The following NR2F2 variants were observed in gnomAD, a reference collection of about 807,000 sequenced individuals.
NR2F2 encodes nuclear receptor subfamily 2 group F member 2, also known as COUP transcription factor 2.
Under a neutral mutation model 34.8 loss-of-function variants are expected in NR2F2, and 2 were observed. That is an observed-to-expected ratio of 0.06 (90% CI 0.02 to 0.18). The LOEUF (loss-of-function observed/expected upper bound fraction) is 0.18. NR2F2 is among the 10% of genes least tolerant of loss of function. The probability of loss-of-function intolerance (pLI) is 1.00; values close to 1 mark genes in which losing one functional copy is unlikely to be tolerated. For missense variants in NR2F2, 300 were observed against 580.1 expected, an observed-to-expected ratio of 0.52 and a Z score of 4.96; for synonymous variants, 274 against 251.8, an observed-to-expected ratio of 1.09 and a Z score of -0.84.
Position 96,331,389 on chromosome 15 carries a change from G to GGGCCGCC in NR2F2, c.-712_-706dup. 1 of 1,226,284 alleles carries GGGCCGCC rather than the reference G, an allele frequency of 8.2e-7. No individual in the cohort carries two copies. Among genetic ancestry groups the GGGCCGCC allele is most frequent in the Non-Finnish European group, 1.0e-6 (1 of 984,632 alleles). The allele number at this position is 1,226,284 out of a possible 1,614,324, so 76.0% of individuals were successfully genotyped here. A position where few individuals can be genotyped will look rare whatever the true frequency, so the allele number is the denominator to read the frequency against. On this transcript the variant is annotated 5_prime_UTR_variant, in exon 1 of 3. An upstream open reading frame in the 5' UTR loses its in-frame stop. Transcript: ENST00000394166. ...CCGGGCAGCGCTCCGGCCACTCCGC[G>GGGCCGCC]GGCCGCCGGCCTCCGCCCCGGCCTG...
Position 96,331,034 on chromosome 15 carries a change from T to C in NR2F2, c.-1072T>C. On this transcript the variant is annotated 5_prime_UTR_variant, in exon 1 of 3. The change abolishes an upstream ATG in the 5' untranslated region. Transcript: ENST00000394166. ...CGCCGGCGAGTTGACTCTTTCCCTA[T>C]GTGTGTGAGGCGGCGGCGGCAGCAG... 2 of 1,232,586 alleles carry C rather than the reference T, an allele frequency of 1.6e-6. No homozygotes were observed. Among genetic ancestry groups the C allele is most frequent in the Non-Finnish European group, 2.0e-6 (2 of 990,542 alleles). 76.4% of individuals were successfully genotyped at this position (1,232,586 alleles called of 1,614,324 possible).
At position 96,331,558 on chromosome 15, in the gene NR2F2, T is replaced by A; in HGVS notation, c.-548T>A. 2 of 1,221,296 alleles carry A rather than the reference T, an allele frequency of 1.6e-6. No homozygotes were observed. The highest frequency in any genetic ancestry group is 1.0e-6 in the Non-Finnish European group (1 of 982,412). 75.7% of individuals were successfully genotyped at this position (1,221,296 alleles called of 1,614,324 possible). A position where few individuals can be genotyped will look rare whatever the true frequency, so the allele number is the denominator to read the frequency against. The stretch of plus-strand genomic sequence containing the variant: ...CTCTCCTCCTCCTCTACCTCCTCCT[T>A]CACCACCACCTCCTCTTCCTCCTCC... On this transcript the variant is annotated 5_prime_UTR_variant, in exon 1 of 3. Coordinates refer to ENST00000394166, the MANE Select transcript of NR2F2 (RefSeq NM_021005.4).
At chr15:96,333,639 T>G in intron 1 of NR2F2, 1 of 1,058,524 alleles carries the variant, frequency 9.4e-7, no homozygotes, top group Non-Finnish European at 1.1e-6. Context: ...ACAGGCCGTC[T>G]GGGGTGGACC....
rs1237693101 is a variant in NR2F2, at chr15:96,332,212, C to A, written c.107C>A (p.Ala36Asp). The A allele has an allele frequency of 1.0e-5, 14 of 1,406,988 alleles. No homozygotes were observed. The highest frequency in any genetic ancestry group is 1.0e-5 in the Non-Finnish European group (11 of 1,080,106). 87.2% of individuals were successfully genotyped at this position (1,406,988 alleles called of 1,614,324 possible). Residue 36 changes from alanine to aspartate, a missense_variant, in exon 1 of 3, where the codon GCC (alanine) becomes GAC (aspartate). By Grantham distance (126) the Ala-to-Asp change is moderately radical. Coordinates refer to ENST00000394166, the MANE Select transcript of NR2F2 (RefSeq NM_021005.4). ...CCCGTGCCCGGCCCGCCGCCCGGCG[C>A]CCCGCACACGCCACAGACGCCCGGC... ...APPVPGPPPG[A>D]PHTPQTPGQG...
upstream of NR2F2, among the ~76,000 whole-genome samples, chr15:96,328,606 C>T (rs1899050325): frequency 6.6e-6 from 1 of 152,182 alleles, no homozygotes; most frequent in Non-Finnish European, 1.5e-5. Flanking sequence ...AAACCTTCTC[C>T]TGTGTAATGA....
Position 96,334,085 on chromosome 15 carries a change from G to C in NR2F2, c.452G>C (p.Arg151Thr), listed in dbSNP as rs1465180594. 1 of 1,612,828 alleles carries C rather than the reference G, an allele frequency of 6.2e-7. No homozygotes were observed. Among genetic ancestry groups the C allele is most frequent in the African/African-American group, 1.3e-5 (1 of 75,072 alleles). ...CCTTTCCTCCCCGCAGCGGTGCAGA[G>C]GGGCAGGATGCCGCCGACCCAGCCG... is the stretch of plus-strand genomic sequence containing the variant. ...KVGMRREAVQ[R>T]GRMPPTQPTH... is the part of the protein sequence containing the mutation. The change falls in exon 2 of 3, where the codon AGG (arginine) becomes ACG (threonine). Residue 151 changes from arginine (R) to threonine (T), a missense_variant. Physicochemically the swap from Arg to Thr is moderately conservative, Grantham distance 71. Around this residue, in one of 6 missense-constraint regions of NR2F2, gnomAD observed 164 missense variants for 365.3 expected, o/e 0.45. Coordinates refer to ENST00000394166, the MANE Select transcript of NR2F2 (RefSeq NM_021005.4).
upstream of NR2F2, among the ~76,000 whole-genome samples, chr15:96,330,294 T>G (rs1287513824): frequency 6.6e-6 from 1 of 152,056 alleles, no homozygotes; most frequent in Non-Finnish European, 1.5e-5. Flanking sequence ...AGAGACGTTG[T>G]GTGTGCGCGC....
chr15:96,334,634 C>T, intron 2 of NR2F2, 31 bp downstream of exon 2: 1 of 1,558,750 alleles, frequency 6.4e-7, no homozygotes, highest in Admixed American at 1.9e-5. Flanking sequence ...CTCGTGCCCA[C>T]GGGCTCCTAG....
chr15:96,332,028 G>A lies in NR2F2; in HGVS notation c.-78G>A. ...CACAAAAGGCGGCGCGCCGGAGCCC[G>A]AGACCCGGGGAGCCGCCGCCGCCCC... On this transcript the variant is annotated 5_prime_UTR_variant, in exon 1 of 3. Coordinates refer to ENST00000394166, the MANE Select transcript of NR2F2 (RefSeq NM_021005.4). 2.4e-6 allele frequency: 3 copies of A among 1,234,200 alleles called. No homozygotes were observed. Among genetic ancestry groups the A allele is most frequent in the South Asian group, 6.6e-5 (2 of 30,518 alleles). The allele number at this position is 1,234,200 out of a possible 1,614,324, so 76.5% of individuals were successfully genotyped here. A position where few individuals can be genotyped will look rare whatever the true frequency, so the allele number is the denominator to read the frequency against.
chr15:96,337,067 G>C (rs889837652), intron 2 of NR2F2, among the ~76,000 whole-genome samples: 3 of 152,112 alleles, frequency 2.0e-5, no homozygotes, highest in African/African-American at 7.2e-5. Flanking sequence ...CTAAGGACTC[G>C]GGCAGTGAAA....
chr15:96,332,523 C>T lies in NR2F2; in HGVS notation c.418C>T (p.Leu140Phe). The change falls in exon 1 of 3, where the codon CTC becomes TTC. Residue 140 changes from leucine (L) to phenylalanine (F), a missense_variant. By Grantham distance (22) the Leu-to-Phe change is conservative. Coordinates refer to ENST00000394166, the MANE Select transcript of NR2F2 (RefSeq NM_021005.4). ...CCAGTACTGCCGCCTCAAAAAGTGC[C>T]TCAAAGTGGGCATGAGACGGGAAGG... Reference protein sequence around the residue: ...QCQYCRLKKCLKVGMRREAVQ... With the variant: ...QCQYCRLKKCFKVGMRREAVQ... 4 of 1,612,716 alleles carry T rather than the reference C, an allele frequency of 2.5e-6. No individual in the cohort carries two copies. Among genetic ancestry groups the T allele is most frequent in the Non-Finnish European group, 3.4e-6 (4 of 1,178,792 alleles).
intron 1 of NR2F2, chr15:96,333,588 T>C (rs1596426919): frequency 9.9e-7 from 1 of 1,007,102 alleles, no homozygotes; most frequent in East Asian, 9.8e-5. Context: ...GGGCTGGGGC[T>C]GGGGCTTCGG....
rs1290427596 is a variant in NR2F2, at chr15:96,331,061, AGCAGCAGCGGCTCCGGCGGCG to A, written c.-1033_-1013del. ...TGTGTGAGGCGGCGGCGGCAGCAGCAGCAGCAGCGGCTCCGGCGGCGGCAGCAGCGGCAGCAGCGACTTCAG... is the reference window on the plus strand; with the variant it reads ...TGTGTGAGGCGGCGGCGGCAGCAGCAGCAGCAGCGGCAGCAGCGACTTCAG... On this transcript the variant is annotated 5_prime_UTR_variant, in exon 1 of 3. Coordinates refer to ENST00000394166, the MANE Select transcript of NR2F2 (RefSeq NM_021005.4). 2.2e-5 allele frequency: 27 copies of A among 1,238,972 alleles called. No homozygotes were observed. Among genetic ancestry groups the A allele is most frequent in the Admixed American group, 4.2e-5 (1 of 23,566 alleles). The allele number at this position is 1,238,972 out of a possible 1,614,324, so 76.7% of individuals were successfully genotyped here.
upstream of NR2F2, among the ~76,000 whole-genome samples, chr15:96,330,184 AG>A (rs1899089334): frequency 6.6e-6 from 1 of 152,190 alleles, no homozygotes; most frequent in Non-Finnish European, 1.5e-5. Context: ...AAGATGCGCC[AG>A]GAGTCCCGGG....
chr15:96,332,915 A>C (rs1243013141), intron 1 of NR2F2, among the ~76,000 whole-genome samples: 1,654 of 48,410 alleles, frequency 0.034, no homozygotes, highest in Admixed American at 0.058. Context: ...CCTCCCCCTC[A>C]CCCCTTTCCC....
chr15:96,331,159 G>C lies in NR2F2; in HGVS notation c.-947G>C. The C allele has an allele frequency of 5.0e-6, 5 of 1,006,682 alleles. No individual in the cohort carries two copies. Among genetic ancestry groups the C allele is most frequent in the Non-Finnish European group, 6.0e-6 (5 of 839,848 alleles). 62.4% of individuals were successfully genotyped at this position (1,006,682 alleles called of 1,614,324 possible). A position where few individuals can be genotyped will look rare whatever the true frequency, so the allele number is the denominator to read the frequency against. On this transcript the variant is annotated 5_prime_UTR_variant, in exon 1 of 3. Coordinates refer to ENST00000394166, the MANE Select transcript of NR2F2 (RefSeq NM_021005.4). ...GCTCCGGGCCCGACCCGGCGGCTTCGGCGGCGGCTCCGGCGGCAGCGGCGG... is the reference window on the plus strand; with the variant it reads ...GCTCCGGGCCCGACCCGGCGGCTTCCGCGGCGGCTCCGGCGGCAGCGGCGG...
At position 96,337,671 on chromosome 15, in the gene NR2F2, G is replaced by C. The variant is rs1274552593; in HGVS notation, c.*49G>C. On this transcript the variant is annotated 3_prime_UTR_variant, in exon 3 of 3. Coordinates refer to ENST00000394166, the MANE Select transcript of NR2F2 (RefSeq NM_021005.4). ...TGAAACAGAGAAAGAAAAGGCAAAA[G>C]ACTGGTTTGTTTGCTTAATTTCCTT... is the stretch of plus-strand genomic sequence containing the variant. The C allele has an allele frequency of 4.5e-6, 7 of 1,563,998 alleles. No homozygotes were observed. Among genetic ancestry groups the C allele is most frequent in the Non-Finnish European group, 5.2e-6 (6 of 1,150,296 alleles).
At chr15:96,329,562 T>C (rs577924166), upstream of NR2F2, among the ~76,000 whole-genome samples, 21 of 152,304 alleles carry the variant, frequency 1.4e-4, no homozygotes, top group East Asian at 3.5e-3. Context: ...AACAATGAAG[T>C]CCGTACTCAA....
In NR2F2 at chr15:96,331,092, G is replaced by GCAGCAGCGA. The variant is rs891009405; in HGVS notation, c.-1012_-1004dup. On this transcript the variant is annotated 5_prime_UTR_variant, in exon 1 of 3. Transcript: ENST00000394166. ...AGCGGCTCCGGCGGCGGCAGCAGCGGCAGCAGCGACTTCAGCGGCGGCGGC... is the reference window on the plus strand; with the variant it reads ...AGCGGCTCCGGCGGCGGCAGCAGCGGCAGCAGCGACAGCAGCGACTTCAGCGGCGGCGGC... 7.4e-6 allele frequency: 9 copies of GCAGCAGCGA among 1,222,610 alleles called. No individual in the cohort carries two copies. Among genetic ancestry groups the GCAGCAGCGA allele is most frequent in the South Asian group, 4.1e-5 (1 of 24,612 alleles). The allele number at this position is 1,222,610 out of a possible 1,614,324, so 75.7% of individuals were successfully genotyped here. A position where few individuals can be genotyped will look rare whatever the true frequency, so the allele number is the denominator to read the frequency against.
Sources: allele counts gnomAD v4.1 joint callset (sites outside exome capture counted in the v4.1 genomes callset), GRCh38; gene constraint gnomAD v4.1.1; regional missense constraint gnomAD v4.1.1; transcripts MANE v1.5; gene names NCBI Gene and HGNC (gene_info 2026-07-23, HGNC 2026-07-21).